The following VWF variants were observed in gnomAD, a reference collection of about 807,000 sequenced individuals.
VWF encodes Factor VIII related antigen.
In VWF, 176 loss-of-function variants were observed where a neutral mutation model predicts 308.6. That is an observed-to-expected ratio of 0.57 (90% confidence interval 0.50 to 0.65). The LOEUF is 0.65. Ranked by LOEUF, VWF falls within the 30% of genes least tolerant of loss-of-function variation. VWF has a pLI of 0.00. For synonymous variants in VWF, 1,385 were observed against 1,443.4 expected (o/e 0.96, Z 0.92); for missense variants, 3,146 against 3,648.2 (o/e 0.86, Z 3.55).
intron 6 of VWF, among the ~76,000 whole-genome samples, chr12:6,088,217 G>C (rs1033890289): frequency 6.6e-6 from 1 of 151,044 alleles, no homozygotes; most frequent in Non-Finnish European, 1.5e-5. Context: ...GGTGGCTCAC[G>C]CCTGTAATCC....
intron 5 of VWF, among the ~76,000 whole-genome samples, chr12:6,099,398 G>A (rs1362625482): frequency 3.3e-5 from 5 of 151,026 alleles, no homozygotes; most frequent in Admixed American, 2.0e-4. Context: ...GAGGAAAAAC[G>A]TCTCCCTCAA....
chr12:6,063,634 T>C lies in VWF; in HGVS notation c.1433-580A>G, dbSNP rs1944680838. ...TCATCCGCTGTGTGCAATGCTAGGA[T>C]AATGGGCGACAAAGTGGCCAGCAGT... On this transcript the variant is annotated intron_variant, in intron 12 of 51. Transcript: ENST00000261405. The surrounding 1 kb of genome is among the most constrained non-coding windows in gnomAD (Gnocchi z 4.9). Among the ~76,000 whole-genome samples the C allele has an allele frequency of 6.6e-6, 1 of 152,142 alleles. No homozygotes were observed. The highest frequency in any genetic ancestry group is 1.5e-5 in the Non-Finnish European group (1 of 68,018).
chr12:6,035,294 G>A (rs189842763), intron 19 of VWF, among the ~76,000 whole-genome samples: 48 of 152,296 alleles, frequency 3.2e-4, no homozygotes, highest in Middle Eastern at 3.4e-3. Context: ...GATGAAGTAC[G>A]CACTTCTGCC....
At chr12:6,050,582 C>T (rs1944497386) in intron 16 of VWF, among the ~76,000 whole-genome samples, 1 of 152,174 alleles carries the variant, frequency 6.6e-6, no homozygotes, top group Admixed American at 6.5e-5. Context: ...CTTCATATAG[C>T]ATGCGTTCAT....
Position 5,981,806 on chromosome 12 carries a change from T to C in VWF, c.7267A>G (p.Thr2423Ala). 1 of 1,614,156 alleles carries C rather than the reference T, an allele frequency of 6.2e-7. No individual in the cohort carries two copies. Among genetic ancestry groups the C allele is most frequent in the African/African-American group, 1.3e-5 (1 of 75,052 alleles). ...CTTACCTTGTCGGGAAGGCAGGTGG[T>C]TGTGGTACAGCCACAGTCATTGGTG... ...TATNDCGCTTTTCLPDKVCVH... is the reference protein window; with the variant it reads ...TATNDCGCTTATCLPDKVCVH... Residue 2423 changes from threonine to alanine, a missense_variant, in exon 42 of 52, where the codon ACC becomes GCC. Thr to Ala is a moderately conservative substitution (Grantham distance 58). Coordinates refer to ENST00000261405, the MANE Select transcript of VWF (RefSeq NM_000552.5).
rs748886645 is a variant in VWF, at chr12:5,971,650, A to G, written c.7497T>C (p.Cys2499=). 1 of 1,614,200 alleles carries G rather than the reference A, an allele frequency of 6.2e-7. No homozygotes were observed. Among genetic ancestry groups the G allele is most frequent in the Non-Finnish European group, 8.5e-7 (1 of 1,180,032 alleles). Reference sequence around the variant, plus strand: ...CCCGCGGTGAGCCAGTCACCACCTCACAGGCAGATGGCAGGCACCTTCCAC... The same window carrying G: ...CCCGCGGTGAGCCAGTCACCACCTCGCAGGCAGATGGCAGGCACCTTCCAC... ...ECCGRCLPSA[C]EVVTGSPRGD... The change falls in exon 44 of 52, where the codon TGT becomes TGC. Residue 2499 remains cysteine (C), a synonymous_variant. Transcript: ENST00000261405.
At chr12:6,080,703 TG>T (rs1479316629) in intron 6 of VWF, among the ~76,000 whole-genome samples, 1 of 152,266 alleles carries the variant, frequency 6.6e-6, no homozygotes, top group African/African-American at 2.4e-5. Flanking sequence ...GTTCCAAGTC[TG>T]TGGCCTCAGC....
intron 22 of VWF, among the ~76,000 whole-genome samples, chr12:6,027,203 C>T (rs1183635321): frequency 6.6e-6 from 1 of 152,106 alleles, no homozygotes; most frequent in Non-Finnish European, 1.5e-5. Flanking sequence ...TACCATTACC[C>T]CCAAGTCCCT....
At position 6,031,717 on chromosome 12, in the gene VWF, T is replaced by C. The variant is rs985069280; in HGVS notation, c.2686-139A>G. On this transcript the variant is annotated intron_variant, in intron 20 of 51. Coordinates refer to ENST00000261405, the MANE Select transcript of VWF (RefSeq NM_000552.5). ...ACGTCCATGGCTGCGCATATGTGCC[T>C]CTGTGTGTGTCTGGGGGACGGGGGA... 10 of 1,340,316 alleles carry C rather than the reference T, an allele frequency of 7.5e-6. No homozygotes were observed. In the African/African-American group the frequency reaches 1.2e-4, roughly 16 times the overall value. The allele number at this position is 1,340,316 out of a possible 1,614,324, so 83.0% of individuals were successfully genotyped here.
At chr12:6,073,870 C>A (rs961633796) in intron 7 of VWF, 129 bp from the exon 8 acceptor site, 4 of 1,436,442 alleles carry the variant, frequency 2.8e-6, no homozygotes, top group Admixed American at 2.0e-5. Context: ...GCTTCCAGGT[C>A]CTTCTCACCC....
At chr12:6,109,751 C>T (rs927437943) in intron 5 of VWF, among the ~76,000 whole-genome samples, 4 of 152,102 alleles carry the variant, frequency 2.6e-5, no homozygotes, top group African/African-American at 4.8e-5. Context: ...CCCGGGTTCA[C>T]GCCATTCTCC....
At chr12:5,954,734 A>G (rs78884199) in intron 47 of VWF, among the ~76,000 whole-genome samples, 79 of 152,370 alleles carry the variant, frequency 5.2e-4, no homozygotes, top group Non-Finnish European at 9.7e-4. Flanking sequence ...GCCCAGAGAC[A>G]AAACGACAGC....
intron 21 of VWF, 119 bp from the exon 22 acceptor site, chr12:6,029,607 C>G: frequency 7.4e-7 from 1 of 1,344,020 alleles, no homozygotes; most frequent in South Asian, 1.2e-5. Flanking sequence ...GGCACTGCCA[C>G]CCCTCCAGGA....
intron 15 of VWF, among the ~76,000 whole-genome samples, chr12:6,056,245 G>A (rs185236341): frequency 1.5e-4 from 14 of 91,674 alleles, no homozygotes; most frequent in African/African-American, 7.0e-4. Flanking sequence ...CACTGGGCAT[G>A]CAGCAAATGT....
In VWF at chr12:6,122,177, C is replaced by A. The variant is rs538865123; in HGVS notation, c.56-839G>T. Among the ~76,000 whole-genome samples the A allele has an allele frequency of 3.2e-4, 48 of 152,186 alleles. 3 individuals are homozygous for A. The South Asian group carries it at 8.9e-3, about 28-fold the overall frequency. The stretch of plus-strand genomic sequence containing the variant: ...TGCTAGTGTATATACTTCCAATATG[C>A]GGTTTTTAGTGGCTGCATTATATTT... On this transcript the variant is annotated intron_variant, in intron 2 of 51. Coordinates refer to ENST00000261405, the MANE Select transcript of VWF (RefSeq NM_000552.5).
chr12:6,047,191 C>T (rs1944454961), intron 16 of VWF, among the ~76,000 whole-genome samples: 1 of 152,112 alleles, frequency 6.6e-6, no homozygotes, highest in Non-Finnish European at 1.5e-5. Flanking sequence ...AGGCTCTGTC[C>T]TAGGCTCGCT....
chr12:5,972,220 G>A lies in VWF; in HGVS notation c.7438-511C>T, dbSNP rs76724287. ...ATTTACCTAGTAATTTATAGGGTAC[G>A]GTGTTCTTTACAAAAGAAAAGTGAG... On this transcript the variant is annotated intron_variant, in intron 43 of 51. Transcript: ENST00000261405. Among the ~76,000 whole-genome samples, 210 of 152,240 alleles carry A rather than the reference G, an allele frequency of 1.4e-3. 1 individual carries two copies. In the East Asian group the frequency reaches 0.019, roughly 14 times the overall value.
rs1419914443 is a variant in VWF, at chr12:6,110,983, A to G, written c.221-15T>C. 3 of 1,592,292 alleles carry G rather than the reference A, an allele frequency of 1.9e-6. No individual in the cohort carries two copies. Among genetic ancestry groups the G allele is most frequent in the Non-Finnish European group, 2.6e-6 (3 of 1,160,286 alleles). On this transcript the variant is annotated splice_polypyrimidine_tract_variant and intron_variant, in intron 3 of 51. Coordinates refer to ENST00000261405, the MANE Select transcript of VWF (RefSeq NM_000552.5). ...CTGGAAGTCCCCTGAAAGAGAAAAA[A>G]GTCAATAGTAGTGATTATTACTCCT...
intron 5 of VWF, among the ~76,000 whole-genome samples, chr12:6,100,460 C>T (rs1427752175): frequency 1.3e-5 from 2 of 151,232 alleles, no homozygotes; most frequent in East Asian, 3.9e-4. Flanking sequence ...TATTGCGGCA[C>T]TATTCACAAT....
Sources: allele counts gnomAD v4.1 joint callset (sites outside exome capture counted in the v4.1 genomes callset), GRCh38; gene constraint gnomAD v4.1.1; non-coding constraint Gnocchi (gnomAD v3.1); transcripts MANE v1.5; gene names NCBI Gene and HGNC (gene_info 2026-07-23, HGNC 2026-07-21).